The following MRPL37 variants were observed in gnomAD, a reference collection of about 807,000 sequenced individuals.
The protein encoded by MRPL37 is mitochondrial ribosomal protein L37.
Under a neutral mutation model 44.1 loss-of-function variants are expected in MRPL37, and 34 were observed. The ratio of observed to expected loss-of-function variants is 0.77; its 90% CI spans 0.59 to 1.03. The LOEUF (loss-of-function observed/expected upper bound fraction) is 1.03, where lower values mean the gene tolerates loss of function less well. Ranked by LOEUF, MRPL37 falls within the 50% of genes least tolerant of loss-of-function variation. The pLI, the probability that MRPL37 is intolerant of heterozygous loss-of-function variation, is 0.00. For synonymous variants in MRPL37, 212 were observed against 219.5 expected (o/e 0.97, Z 0.30); for missense variants, 532 against 543.7 (o/e 0.98, Z 0.21).
At chr1:54,218,970 C>T (rs920086572), downstream of MRPL37, among the ~76,000 whole-genome samples, 6 of 152,238 alleles carry the variant, frequency 3.9e-5, no homozygotes, top group Admixed American at 6.5e-5. Flanking sequence ...AATTTGCCCA[C>T]GGTCACCCAC....
At chr1:54,216,768 A>G (rs1413774018) in intron 6 of MRPL37, among the ~76,000 whole-genome samples, 9 of 150,992 alleles carry the variant, frequency 6.0e-5, no homozygotes, top group Non-Finnish European at 1.2e-4. Flanking sequence ...CCCCATCCCA[A>G]CCCTCACTTA....
rs778454600 is a variant in MRPL37 at position 54,200,334 on chromosome 1, TA to T, written c.92del (p.Tyr31LeufsTer87). ...GGFGAPRRGA[Y>X]EWGVRSTRKS... ...CTTCGGGGCCCCGAGACGCGGGGCG[TA>T]TGAGTGGGGCGTGCGCTCCACGCGG... On this transcript the variant is annotated frameshift_variant, in exon 1 of 7. Transcript: ENST00000360840. LOFTEE classifies it high-confidence loss of function. 2.9e-5 allele frequency: 47 copies of T among 1,613,884 alleles called. No individual in the cohort carries two copies. The Admixed American group carries it at 4.8e-4, about 17-fold the overall frequency.
downstream of MRPL37, chr1:54,218,385 C>T (rs1465271640): frequency 2.0e-6 from 3 of 1,532,508 alleles, no homozygotes. Flanking sequence ...TGCACTGAAG[C>T]CTGTGTTTGG....
downstream of MRPL37, among the ~76,000 whole-genome samples, chr1:54,222,163 C>T (rs558699548): frequency 3.2e-4 from 49 of 152,294 alleles, no homozygotes; most frequent in African/African-American, 1.1e-3. Flanking sequence ...ATTCTCAGGA[C>T]GAAGAGGGCT....
chr1:54,201,650 G>A (rs1017396594), intron 1 of MRPL37, among the ~76,000 whole-genome samples: 1 of 152,192 alleles, frequency 6.6e-6, no homozygotes, highest in Non-Finnish European at 1.5e-5. Flanking sequence ...AGCCATTTGG[G>A]GTAATGGAGA....
chr1:54,207,083 T>C (rs1488983168), intron 3 of MRPL37, among the ~76,000 whole-genome samples: 2 of 152,192 alleles, frequency 1.3e-5, no homozygotes, highest in African/African-American at 4.8e-5. Flanking sequence ...AAATTCTCCT[T>C]ATCTGCAAGA....
chr1:54,209,533 C>G (rs1279060433), intron 3 of MRPL37, among the ~76,000 whole-genome samples: 1 of 151,074 alleles, frequency 6.6e-6, no homozygotes, highest in Non-Finnish European at 1.5e-5. Context: ...CATCTCAGCT[C>G]ACTGCAAGCT....
At chr1:54,225,447 T>C, downstream of MRPL37, 1 of 1,223,524 alleles carries the variant, frequency 8.2e-7, no homozygotes, top group Non-Finnish European at 1.0e-6. Flanking sequence ...AAAAAAGATG[T>C]CCCTTTAATA....
chr1:54,205,733 A>G (rs917601659), intron 3 of MRPL37, among the ~76,000 whole-genome samples: 3 of 152,188 alleles, frequency 2.0e-5, no homozygotes, highest in Non-Finnish European at 4.4e-5. Flanking sequence ...CGCCCTCACA[A>G]TGCTCATATT....
chr1:54,214,860 A>G (rs903467336), intron 5 of MRPL37, among the ~76,000 whole-genome samples: 1 of 152,228 alleles, frequency 6.6e-6, no homozygotes, highest in African/African-American at 2.4e-5. Flanking sequence ...TCAATACAGA[A>G]TTCTCGGCTA....
At chr1:54,216,380 C>G in intron 6 of MRPL37, 36 bp downstream of exon 6, 1 of 1,594,432 alleles carries the variant, frequency 6.3e-7, no homozygotes, top group Non-Finnish European at 8.6e-7. Context: ...CCCAGGAGGG[C>G]CATGCCTCCT....
In MRPL37 at chr1:54,212,524, C is replaced by T. The variant is rs1644171989; in HGVS notation, c.856C>T (p.Pro286Ser). 1.9e-6 allele frequency: 3 copies of T among 1,614,034 alleles called. No individual in the cohort carries two copies. The highest frequency in any genetic ancestry group is 2.5e-6 in the Non-Finnish European group (3 of 1,180,042). ...DTGFQEGYPY[P>S]YPHTLYLLDK... Reference sequence around the variant, plus strand: ...AGGATTCCAGGAAGGCTATCCTTACCCCTATCCCCATACCCTGTACTTACT... The same window carrying T: ...AGGATTCCAGGAAGGCTATCCTTACTCCTATCCCCATACCCTGTACTTACT... The change falls in exon 5 of 7, where the codon CCC becomes TCC. Residue 286 changes from proline to serine, a missense_variant. Pro to Ser is a moderately conservative substitution (Grantham distance 74). Transcript: ENST00000360840.
intron 5 of MRPL37, 72 bp downstream of exon 5, chr1:54,212,730 A>T: frequency 1.2e-5 from 19 of 1,582,498 alleles, no homozygotes; most frequent in Non-Finnish European, 1.6e-5. Context: ...TACTGCTCAG[A>T]GGAAGAAAAG....
chr1:54,201,438 G>A (rs1431557023), intron 1 of MRPL37, among the ~76,000 whole-genome samples: 2 of 152,362 alleles, frequency 1.3e-5, no homozygotes, highest in East Asian at 3.9e-4. Context: ...TTACAAGGTA[G>A]TGGGAAGGAT....
intron 4 of MRPL37, among the ~76,000 whole-genome samples, chr1:54,211,230 G>C (rs1228705163): frequency 6.6e-6 from 1 of 152,100 alleles, no homozygotes. Context: ...CACAGCCCCT[G>C]ACTTACCTCA....
downstream of MRPL37, among the ~76,000 whole-genome samples, chr1:54,221,828 G>A (rs886224128): frequency 5.3e-5 from 8 of 152,258 alleles, no homozygotes; most frequent in Admixed American, 5.2e-4. Flanking sequence ...GACCTCCTTT[G>A]GGGGCAGCCC....
At chr1:54,209,328 G>C (rs35465247) in intron 3 of MRPL37, among the ~76,000 whole-genome samples, 26,015 of 152,132 alleles carry the variant, frequency 0.17, 2,409 homozygotes, top group African/African-American at 0.23. Flanking sequence ...GGGATCCCAG[G>C]ATTAACATCC....
chr1:54,221,683 A>C (rs969951190), downstream of MRPL37, among the ~76,000 whole-genome samples: 3 of 150,780 alleles, frequency 2.0e-5, no homozygotes, highest in Non-Finnish European at 4.4e-5. Context: ...CCACCCACAC[A>C]CCACACACTC....
chr1:54,214,746 G>A (rs1046352867), intron 5 of MRPL37, among the ~76,000 whole-genome samples: 2 of 152,230 alleles, frequency 1.3e-5, no homozygotes, highest in African/African-American at 4.8e-5. Flanking sequence ...TCCTGGGGAT[G>A]TGAAGTTGAG....
Sources: gnomAD v4.1 joint callset for allele counts (sites outside exome capture counted in the v4.1 genomes callset) on GRCh38, gnomAD v4.1.1 for gene constraint, MANE v1.5 for transcripts, NCBI Gene and HGNC (gene_info 2026-07-23, HGNC 2026-07-21) for gene names.